Variants in TPCN2 observed in about 807,000 individuals in gnomAD.
The protein encoded by TPCN2 is two pore channel protein 2.
TPCN2 carries 92 observed loss-of-function variants against 111.4 expected under a neutral mutation model. The observed-to-expected ratio is 0.83, with a 90% CI of 0.70 to 0.98. The LOEUF (loss-of-function observed/expected upper bound fraction) is 0.98. TPCN2 is among the 50% of genes least tolerant of loss of function. TPCN2 has a pLI of 0.00. For synonymous variants in TPCN2, 405 were observed against 414.5 expected (o/e 0.98, Z 0.28); for missense variants, 995 against 980.1 (o/e 1.02, Z -0.20).
At chr11:69,077,424 C>G (rs1855841733) in intron 13 of TPCN2, among the ~76,000 whole-genome samples, 1 of 152,176 alleles carries the variant, frequency 6.6e-6, no homozygotes. Flanking sequence ...AAGAAAGCCT[C>G]AACTCCCGTT....
intron 5 of TPCN2, 94 bp downstream of exon 5, chr11:69,057,788 G>A (rs964726085): frequency 1.1e-5 from 13 of 1,162,646 alleles, no homozygotes; most frequent in Admixed American, 3.5e-5. Context: ...CCCTGAGCCC[G>A]CCAGCCATCC....
At chr11:69,086,207 TGG>T (rs1856266591) in intron 22 of TPCN2, among the ~76,000 whole-genome samples, 1 of 152,018 alleles carries the variant, frequency 6.6e-6, no homozygotes, top group African/African-American at 2.4e-5. Context: ...TCCATGGGGG[TGG>T]GGGAGCCCCG....
chr11:69,089,979 T>G lies in TPCN2; in HGVS notation c.*2026T>G, dbSNP rs1311085153. 1.3e-5 allele frequency: 2 copies of G among 152,230 alleles called. No homozygotes were observed. Among genetic ancestry groups the G allele is most frequent in the Admixed American group, 6.5e-5 (1 of 15,286 alleles). The allele number at this position is 152,230 out of a possible 1,614,324, so 9.4% of individuals were successfully genotyped here. ...CTTTACTTTCTGGTGCAAAAAGATGTTCAAGCCTTATTTTATACTTGCCTG... is the reference window on the plus strand; with the variant it reads ...CTTTACTTTCTGGTGCAAAAAGATGGTCAAGCCTTATTTTATACTTGCCTG... On this transcript the variant is annotated 3_prime_UTR_variant, in exon 25 of 25. Transcript: ENST00000294309.
chr11:69,085,517 C>T (rs1856233914), intron 20 of TPCN2, among the ~76,000 whole-genome samples, 154 bp from the exon 21 acceptor site: 1 of 152,102 alleles, frequency 6.6e-6, no homozygotes, highest in African/African-American at 2.4e-5. Flanking sequence ...TCGTGGCCTG[C>T]TCAGAGCAGC....
intron 19 of TPCN2, chr11:69,084,735 C>T (rs542756017): frequency 7.0e-5 from 69 of 985,420 alleles, no homozygotes; most frequent in East Asian, 3.4e-4. Context: ...TGGGCTGGAC[C>T]CCAGCTGTGC....
intron 9 of TPCN2, 82 bp downstream of exon 9, chr11:69,070,577 C>G: frequency 9.4e-7 from 1 of 1,059,772 alleles, no homozygotes; most frequent in Non-Finnish European, 1.4e-6. Context: ...CCTCCACGAC[C>G]TGAAACTTCA....
chr11:69,056,139 CA>C (rs755948163), intron 4 of TPCN2, among the ~76,000 whole-genome samples: 6 of 152,264 alleles, frequency 3.9e-5, no homozygotes, highest in Non-Finnish European at 7.3e-5. Flanking sequence ...CCCCCACATC[CA>C]TGCCCATGGT....
chr11:69,079,357 C>T (rs867445050), intron 16 of TPCN2: 30 of 351,694 alleles, frequency 8.5e-5, no homozygotes, highest in Middle Eastern at 1.6e-3. Context: ...GACGGTGTGA[C>T]CTCAGCATGG....
intron 16 of TPCN2, 127 bp downstream of exon 16, chr11:69,079,147 C>G (rs908055516): frequency 1.3e-5 from 17 of 1,277,262 alleles, no homozygotes; most frequent in Non-Finnish European, 1.7e-5. Flanking sequence ...CTTCTGCTCT[C>G]AGTGGTGAGG....
In TPCN2 at chr11:69,089,039, G is replaced by T. The variant is rs1037693261; in HGVS notation, c.*1086G>T. The T allele has an allele frequency of 6.6e-6, 1 of 152,268 alleles. No individual in the cohort carries two copies. Among genetic ancestry groups the T allele is most frequent in the Non-Finnish European group, 1.5e-5 (1 of 68,082 alleles). The allele number at this position is 152,268 out of a possible 1,614,324, so 9.4% of individuals were successfully genotyped here. A position where few individuals can be genotyped will look rare whatever the true frequency, so the allele number is the denominator to read the frequency against. ...ACCAGGAAGGGATGGGCCCTGCCAGGGTTGCCCCTGCACTGTGCATTCTCG... is the reference window on the plus strand; with the variant it reads ...ACCAGGAAGGGATGGGCCCTGCCAGTGTTGCCCCTGCACTGTGCATTCTCG... On this transcript the variant is annotated 3_prime_UTR_variant, in exon 25 of 25. Transcript: ENST00000294309.
chr11:69,073,060 C>T (rs1342824318), intron 13 of TPCN2, 59 bp downstream of exon 13: 4 of 1,255,368 alleles, frequency 3.2e-6, no homozygotes, highest in African/African-American at 2.9e-5. Context: ...TTCCCCTGCC[C>T]TTGATCACCT....
At chr11:69,075,313 A>G (rs577765915) in intron 13 of TPCN2, among the ~76,000 whole-genome samples, 8 of 152,346 alleles carry the variant, frequency 5.3e-5, no homozygotes, top group African/African-American at 1.4e-4. Flanking sequence ...TGTGGATACA[A>G]AATCCATGGA....
At chr11:69,077,261 AC>A (rs1855826967) in intron 13 of TPCN2, among the ~76,000 whole-genome samples, 8 of 55,638 alleles carry the variant, frequency 1.4e-4, no homozygotes, top group East Asian at 6.2e-4. Flanking sequence ...ACGTCCCTCC[AC>A]CTGCCCTCCT....
intron 4 of TPCN2, among the ~76,000 whole-genome samples, chr11:69,057,006 T>A (rs1393382498): frequency 1.3e-5 from 2 of 151,926 alleles, no homozygotes; most frequent in Admixed American, 6.6e-5. Context: ...CCCGGCTAAT[T>A]TTTCTATTTT....
chr11:69,070,823 T>C lies in TPCN2; in HGVS notation c.895+328T>C, dbSNP rs1855493750. 2.3e-5 allele frequency among the ~76,000 whole-genome samples: 3 copies of C among 128,978 alleles called. No homozygotes were observed. In the South Asian group the frequency reaches 7.9e-4, roughly 34 times the overall value. The allele number at this position is 128,978 out of a possible 152,430, so 84.6% of individuals were successfully genotyped here. Reference sequence around the variant, plus strand: ...CCCACCAACAGCTTCACCCCAGGGATCTCCCACCAGCAGCTTCACCCCAGG... The same window carrying C: ...CCCACCAACAGCTTCACCCCAGGGACCTCCCACCAGCAGCTTCACCCCAGG... On this transcript the variant is annotated intron_variant, in intron 9 of 24. Transcript: ENST00000294309.
chr11:69,086,498 C>T, intron 22 of TPCN2, 25 bp from the exon 23 acceptor site: 1 of 1,606,288 alleles, frequency 6.2e-7, no homozygotes, highest in Non-Finnish European at 8.5e-7. Flanking sequence ...TCGTGGTTCA[C>T]AGGGTGGGTC....
intron 5 of TPCN2, 111 bp from the exon 6 acceptor site, chr11:69,062,773 G>T (rs1274198843): frequency 1.2e-5 from 12 of 986,014 alleles, no homozygotes; most frequent in Non-Finnish European, 1.9e-5. Context: ...AGTGACTCTG[G>T]AGTGGCCCCC....
At chr11:69,062,486 C>T (rs72919432) in intron 5 of TPCN2, among the ~76,000 whole-genome samples, 20,210 of 151,118 alleles carry the variant, frequency 0.13, 1,874 homozygotes, top group South Asian at 0.2. Context: ...GGTGAGGAGG[C>T]GGGGATGGTA....
At chr11:69,085,460 C>T (rs534448804) in intron 20 of TPCN2, among the ~76,000 whole-genome samples, 174 bp downstream of exon 20, 25 of 152,162 alleles carry the variant, frequency 1.6e-4, no homozygotes, top group Admixed American at 5.2e-4. Flanking sequence ...ACCTCCGCTC[C>T]GCACCTCTCC....
Sources: gnomAD v4.1 joint callset for allele counts (sites outside exome capture counted in the v4.1 genomes callset) on GRCh38, gnomAD v4.1.1 for gene constraint, MANE v1.5 for transcripts, NCBI Gene and HGNC (gene_info 2026-07-23, HGNC 2026-07-21) for gene names.